Variants in CNTNAP5 observed in about 807,000 individuals in gnomAD.
CNTNAP5 encodes the protein contactin-associated protein-like 5.
A neutral mutation model predicts 150.2 loss-of-function variants in CNTNAP5; 72 were observed. The observed-to-expected ratio is 0.48, with a 90% confidence interval of 0.40 to 0.58. The LOEUF (loss-of-function observed/expected upper bound fraction) is 0.58, where lower values mean the gene tolerates loss of function less well. Among genes scored for constraint, CNTNAP5 ranks in the 20% least tolerant of loss-of-function variants. The pLI is 0.00. For synonymous variants in CNTNAP5, 672 were observed against 619.8 expected, an observed-to-expected ratio of 1.08 and a Z score of -1.25; for missense variants, 1,636 against 1,626.2, an observed-to-expected ratio of 1.01 and a Z score of -0.10.
intron 3 of CNTNAP5, among the ~76,000 whole-genome samples, chr2:124,382,182 G>A (rs990627920): frequency 1.3e-5 from 2 of 152,130 alleles, no homozygotes; most frequent in African/African-American, 4.8e-5. Flanking sequence ...AATGTGGCTA[G>A]GCTGGCCCTT....
chr2:124,494,923 A>G (rs953373749), intron 7 of CNTNAP5, among the ~76,000 whole-genome samples: 2 of 152,190 alleles, frequency 1.3e-5, no homozygotes, highest in African/African-American at 4.8e-5. Flanking sequence ...ATAAAGCTAT[A>G]CCTCTTTATT....
intron 10 of CNTNAP5, among the ~76,000 whole-genome samples, chr2:124,560,075 G>T (rs59363465): frequency 1.3e-5 from 2 of 152,104 alleles, no homozygotes; most frequent in African/African-American, 4.8e-5. Context: ...ATGGTAAATT[G>T]AGTTTATCAT....
At chr2:124,209,620 A>G (rs1353849498) in intron 1 of CNTNAP5, among the ~76,000 whole-genome samples, 1 of 151,966 alleles carries the variant, frequency 6.6e-6, no homozygotes, top group African/African-American at 2.4e-5. Context: ...CCCTTATCTA[A>G]ACCTCTACCT....
At chr2:124,105,914 C>G (rs1458254722) in intron 1 of CNTNAP5, among the ~76,000 whole-genome samples, 10 of 152,086 alleles carry the variant, frequency 6.6e-5, no homozygotes, top group Non-Finnish European at 2.9e-5. Flanking sequence ...TTTAATCTCA[C>G]CTATTAGTCT....
At chr2:124,434,897 A>G (rs1692489877) in intron 5 of CNTNAP5, among the ~76,000 whole-genome samples, 1 of 152,226 alleles carries the variant, frequency 6.6e-6, no homozygotes, top group Admixed American at 6.5e-5. Flanking sequence ...ACTCATTGTT[A>G]TGTATTTATT....
chr2:124,410,492 C>T (rs1691723234), intron 3 of CNTNAP5, among the ~76,000 whole-genome samples: 1 of 144,842 alleles, frequency 6.9e-6, no homozygotes, highest in South Asian at 2.3e-4. Context: ...AAGCTCTCCT[C>T]AGCAAATGTA....
chr2:124,790,708 C>A (rs1395707695), intron 18 of CNTNAP5, among the ~76,000 whole-genome samples: 1 of 152,120 alleles, frequency 6.6e-6, no homozygotes, highest in Non-Finnish European at 1.5e-5. Flanking sequence ...CTGAAACACA[C>A]ATGAAAGTCA....
At chr2:124,290,657 G>A (rs1573894197) in intron 3 of CNTNAP5, among the ~76,000 whole-genome samples, 1 of 152,138 alleles carries the variant, frequency 6.6e-6, no homozygotes, top group East Asian at 1.9e-4. Flanking sequence ...CTCTACTATA[G>A]TTTGTTTTCG....
At chr2:124,336,577 A>ATG (rs1470020287) in intron 3 of CNTNAP5, among the ~76,000 whole-genome samples, 38 of 122,252 alleles carry the variant, frequency 3.1e-4, no homozygotes, top group African/African-American at 9.9e-4. Flanking sequence ...TCCTGTGTCC[A>ATG]TGTGCTCTCA....
intron 3 of CNTNAP5, among the ~76,000 whole-genome samples, chr2:124,295,898 A>T (rs1409343244): frequency 2.0e-5 from 3 of 152,206 alleles, no homozygotes; most frequent in Non-Finnish European, 4.4e-5. Flanking sequence ...TCCAAGAGGT[A>T]ATCATCTGCA....
At chr2:124,098,048 TA>T (rs899002801) in intron 1 of CNTNAP5, among the ~76,000 whole-genome samples, 1 of 151,700 alleles carries the variant, frequency 6.6e-6, no homozygotes, top group African/African-American at 2.4e-5. Context: ...AATAAATAGA[TA>T]AAAAAACAAA....
chr2:124,218,347 G>A (rs533972970), intron 1 of CNTNAP5, among the ~76,000 whole-genome samples: 37 of 152,266 alleles, frequency 2.4e-4, no homozygotes, highest in African/African-American at 4.3e-4. Flanking sequence ...CAACGTAAGC[G>A]AGGTTGCCAA....
chr2:124,596,050 T>C (rs1248829410), intron 11 of CNTNAP5, among the ~76,000 whole-genome samples: 5 of 126,878 alleles, frequency 3.9e-5, no homozygotes, highest in Non-Finnish European at 8.2e-5. Flanking sequence ...TTAGTCTTGC[T>C]AGCAGTCTAT....
chr2:124,256,353 G>T lies in CNTNAP5; in HGVS notation c.381+13960G>T, dbSNP rs569510798. Among the ~76,000 whole-genome samples the T allele has an allele frequency of 7.9e-5, 12 of 152,146 alleles. No individual in the cohort carries two copies. The South Asian group carries it at 2.5e-3, about 32-fold the overall frequency. ...ATGATAGTATTAGTTGCTATTACAT[G>T]GTGCTTATACCAGTGTAAATTCAGG... On this transcript the variant is annotated intron_variant, in intron 3 of 23. Transcript: ENST00000682447.
intron 19 of CNTNAP5, among the ~76,000 whole-genome samples, chr2:124,812,378 G>A (rs1682256048): frequency 6.6e-6 from 1 of 150,852 alleles, no homozygotes. Flanking sequence ...AGTGATCAGA[G>A]TGGAATCCCT....
At chr2:124,707,156 G>GA (rs1679700907) in intron 13 of CNTNAP5, among the ~76,000 whole-genome samples, 1 of 91,296 alleles carries the variant, frequency 1.1e-5, no homozygotes, top group African/African-American at 3.5e-5. Flanking sequence ...AGAAGAAGAA[G>GA]AAGAAGAAGA....
chr2:124,865,947 A>G (rs993642102), intron 20 of CNTNAP5, among the ~76,000 whole-genome samples: 1 of 151,770 alleles, frequency 6.6e-6, no homozygotes, highest in Non-Finnish European at 1.5e-5. Flanking sequence ...TCATTAAAAA[A>G]AAAAATTAAA....
chr2:124,602,154 C>T (rs1383326559), intron 11 of CNTNAP5, among the ~76,000 whole-genome samples: 1 of 151,850 alleles, frequency 6.6e-6, no homozygotes, highest in Admixed American at 6.6e-5. Context: ...ACCAGCCTGG[C>T]CAACAGGTGA....
Position 124,527,346 on chromosome 2 carries a change from C to A in CNTNAP5, c.1539C>A (p.Cys513Ter), listed in dbSNP as rs759519999. ...ATCCCATTAAGGCTTTCCAAGGCTG[C>A]ATGAGGCTCATCTTTATTGATAACC... ...CLNPIKAFQG[C>*]MRLIFIDNQP... The change falls in exon 10 of 24, where the codon TGC becomes TGA. Residue 513 changes from cysteine to a stop codon, truncating the protein, a stop_gained. Coordinates refer to ENST00000682447, the MANE Select transcript of CNTNAP5 (RefSeq NM_001367498.1). LOFTEE classifies it high-confidence loss of function. 6.2e-7 allele frequency: 1 copy of A among 1,613,578 alleles called. No individual in the cohort carries two copies. Among genetic ancestry groups the A allele is most frequent in the Admixed American group, 1.7e-5 (1 of 59,994 alleles).
Sources: allele counts gnomAD v4.1 joint callset (sites outside exome capture counted in the v4.1 genomes callset), GRCh38; gene constraint gnomAD v4.1.1; transcripts MANE v1.5; gene names NCBI Gene and HGNC (gene_info 2026-07-23, HGNC 2026-07-21).